VPS36: variants seen among roughly 807,000 people sequenced by gnomAD.
VPS36 encodes the protein vacuolar protein-sorting-associated protein 36.
A neutral mutation model predicts 63.5 loss-of-function variants in VPS36; 31 were observed. The observed-to-expected ratio is 0.49, with a 90% CI of 0.37 to 0.66. The LOEUF (loss-of-function observed/expected upper bound fraction) is 0.66. Ranked by LOEUF, VPS36 falls within the 30% of genes least tolerant of loss-of-function variation. VPS36 has a pLI of 0.00. For synonymous variants in VPS36, 138 were observed against 157.2 expected (o/e 0.88, Z 0.91); for missense variants, 338 against 463.7 (o/e 0.73, Z 2.49).
At chr13:52,441,851 C>T (rs1031501085) in intron 2 of VPS36, among the ~76,000 whole-genome samples, 1 of 152,186 alleles carries the variant, frequency 6.6e-6, no homozygotes, top group Admixed American at 6.5e-5. Context: ...GCAGGCCTAG[C>T]CTCCTGATTC....
intron 10 of VPS36, among the ~76,000 whole-genome samples, chr13:52,420,725 TC>T (rs1456216537): frequency 1.3e-5 from 2 of 152,178 alleles, no homozygotes; most frequent in Non-Finnish European, 2.9e-5. Context: ...ACCCCCAATT[TC>T]CCTGATTTGG....
At chr13:52,432,373 A>G (rs76274672) in intron 6 of VPS36, among the ~76,000 whole-genome samples, 6,022 of 152,176 alleles carry the variant, frequency 0.04, 132 homozygotes, top group South Asian at 0.068. Flanking sequence ...AAAACAAAAC[A>G]AAAAAACAAA....
intron 11 of VPS36, among the ~76,000 whole-genome samples, chr13:52,417,773 G>A (rs945812708): frequency 5.3e-5 from 8 of 152,204 alleles, no homozygotes; most frequent in Non-Finnish European, 1.2e-4. Context: ...CTGATCTCAT[G>A]GGAAGAACCC....
chr13:52,440,066 C>T (rs1015417026), intron 2 of VPS36, among the ~76,000 whole-genome samples: 2 of 151,834 alleles, frequency 1.3e-5, no homozygotes, highest in African/African-American at 4.8e-5. Context: ...GCGACCTCCA[C>T]CTCCCAGGTT....
chr13:52,446,123 G>A (rs1020116837), intron 1 of VPS36, among the ~76,000 whole-genome samples: 62 of 150,982 alleles, frequency 4.1e-4, no homozygotes, highest in African/African-American at 1.4e-3. Flanking sequence ...AAAAATTGCC[G>A]GGCGTGGTGG....
intron 6 of VPS36, among the ~76,000 whole-genome samples, chr13:52,433,225 G>T (rs929892495): frequency 1.3e-5 from 2 of 152,160 alleles, no homozygotes; most frequent in African/African-American, 4.8e-5. Context: ...GCTTTGAGCC[G>T]TTCTTACTGA....
intron 2 of VPS36, among the ~76,000 whole-genome samples, chr13:52,440,619 T>A (rs1005271145): frequency 3.9e-5 from 6 of 152,192 alleles, no homozygotes; most frequent in African/African-American, 1.4e-4. Context: ...TAAACAGTTA[T>A]GTTTAATTTT....
chr13:52,428,644 T>C (rs956192545), intron 6 of VPS36, among the ~76,000 whole-genome samples: 2 of 152,322 alleles, frequency 1.3e-5, no homozygotes, highest in South Asian at 2.1e-4. Context: ...AACATTTAAA[T>C]AGAGGGCAAA....
chr13:52,445,009 T>C (rs1392770126), intron 1 of VPS36, among the ~76,000 whole-genome samples: 2 of 152,230 alleles, frequency 1.3e-5, no homozygotes, highest in African/African-American at 4.8e-5. Context: ...TAAGGTCTGA[T>C]TGTATTATTA....
chr13:52,441,990 G>C (rs1958282926), intron 2 of VPS36, among the ~76,000 whole-genome samples: 4 of 152,048 alleles, frequency 2.6e-5, no homozygotes, highest in Non-Finnish European at 5.9e-5. Context: ...AATTTGACTA[G>C]TATTTAAAAA....
Position 52,431,775 on chromosome 13 carries a change from A to AG in VPS36, c.528+1886_528+1887insC, listed in dbSNP as rs1465471281. 4.1e-3 allele frequency among the ~76,000 whole-genome samples: 619 copies of AG among 151,262 alleles called. 4 individuals carry two copies. Among genetic ancestry groups the AG allele is most frequent in the African/African-American group, 0.014 (585 of 41,216 alleles). ...AAGACTCTGTCTCAAAAAAAAAAAA[A>AG]AAAAAAAGAAAGAAAGAAACCAGAG... On this transcript the variant is annotated intron_variant, in intron 6 of 13. Coordinates refer to ENST00000378060, the MANE Select transcript of VPS36 (RefSeq NM_016075.4).
At chr13:52,444,379 G>C (rs980016911) in intron 1 of VPS36, among the ~76,000 whole-genome samples, 1 of 151,800 alleles carries the variant, frequency 6.6e-6, no homozygotes, top group Admixed American at 6.6e-5. Flanking sequence ...AGAATGGCAT[G>C]AACCCGGGAG....
chr13:52,440,843 G>T (rs1005387878), intron 2 of VPS36, among the ~76,000 whole-genome samples: 1 of 152,168 alleles, frequency 6.6e-6, no homozygotes, highest in Non-Finnish European at 1.5e-5. Context: ...AACCTTTTGT[G>T]TATCAGGGAC....
chr13:52,448,740 GC>G lies in VPS36; in HGVS notation c.96+1758del, dbSNP rs1958369860. ...TCTATCACAGCTATACTGCCTGCCA[GC>G]AAAGGTGTTCCTAGTCTTCAAATTG... On this transcript the variant is annotated intron_variant, in intron 1 of 13. Coordinates refer to ENST00000378060, the MANE Select transcript of VPS36 (RefSeq NM_016075.4). Among the ~76,000 whole-genome samples the G allele has an allele frequency of 2.0e-5, 3 of 152,206 alleles. No homozygotes were observed. The South Asian group carries it at 6.2e-4, about 32-fold the overall frequency.
intron 9 of VPS36, 91 bp downstream of exon 9, chr13:52,425,841 C>G (rs1195785142): frequency 7.5e-7 from 1 of 1,328,402 alleles, no homozygotes; most frequent in African/African-American, 1.5e-5. Flanking sequence ...ATAACCATAT[C>G]ATGAAAATAG....
intron 6 of VPS36, among the ~76,000 whole-genome samples, chr13:52,432,220 G>A (rs569264978): frequency 2.0e-5 from 3 of 152,054 alleles, no homozygotes; most frequent in Admixed American, 6.6e-5. Flanking sequence ...GTTTGGTGGC[G>A]GGCGCCTATA....
At chr13:52,438,974 A>T in intron 3 of VPS36, 124 bp downstream of exon 3, 2 of 764,260 alleles carry the variant, frequency 2.6e-6, no homozygotes, top group Non-Finnish European at 4.0e-6. Context: ...TATTACAGCA[A>T]ACCTTAGCTT....
intron 10 of VPS36, among the ~76,000 whole-genome samples, chr13:52,420,086 C>A (rs1958031402): frequency 6.6e-6 from 1 of 151,784 alleles, no homozygotes; most frequent in Non-Finnish European, 1.5e-5. Context: ...ACTAAAAATA[C>A]AAAAATTAGC....
intron 1 of VPS36, chr13:52,450,129 C>T (rs1437048547): frequency 1.0e-6 from 1 of 996,174 alleles, no homozygotes; most frequent in African/African-American, 1.7e-5. Context: ...TGGAACCACG[C>T]CAAGGAAGTC....
Sources: gnomAD v4.1 joint callset for allele counts (sites outside exome capture counted in the v4.1 genomes callset) on GRCh38, gnomAD v4.1.1 for gene constraint, MANE v1.5 for transcripts, NCBI Gene and HGNC (gene_info 2026-07-23, HGNC 2026-07-21) for gene names.